The following PLD5 variants were observed in gnomAD, a reference collection of about 807,000 sequenced individuals.
PLD5 encodes the protein inactive phospholipase D5.
Under a neutral mutation model 61.1 loss-of-function variants are expected in PLD5, and 36 were observed. The ratio of observed to expected loss-of-function variants is 0.59; its 90% confidence interval spans 0.45 to 0.78. The LOEUF is 0.78. Among genes scored for constraint, PLD5 ranks in the 30% least tolerant of loss-of-function variants. PLD5 has a pLI of 0.00. For synonymous variants in PLD5, 243 were observed against 242.8 expected (o/e 1.00, Z -0.01); for missense variants, 515 against 644.4 (o/e 0.80, Z 2.17).
At chr1:242,228,000 T>C (rs1671062870) in intron 4 of PLD5, among the ~76,000 whole-genome samples, 1 of 152,200 alleles carries the variant, frequency 6.6e-6, no homozygotes, top group Non-Finnish European at 1.5e-5. Flanking sequence ...CTTATTGTTA[T>C]CTCTAGGTTA....
chr1:242,188,474 T>G (rs1254783529), intron 5 of PLD5, among the ~76,000 whole-genome samples: 1 of 152,046 alleles, frequency 6.6e-6, no homozygotes, highest in Non-Finnish European at 1.5e-5. Flanking sequence ...AGATTTGAAG[T>G]GGAGGCACTG....
At chr1:242,484,053 C>T (rs1016411960) in intron 1 of PLD5, among the ~76,000 whole-genome samples, 2 of 152,126 alleles carry the variant, frequency 1.3e-5, no homozygotes, top group Non-Finnish European at 2.9e-5. Context: ...GGGACACATT[C>T]AAAGCCATGT....
chr1:242,186,989 A>G (rs1185486301), intron 5 of PLD5, among the ~76,000 whole-genome samples: 1 of 152,218 alleles, frequency 6.6e-6, no homozygotes, highest in African/African-American at 2.4e-5. Context: ...AAAGTAATAC[A>G]TGCATATTAT....
At chr1:242,228,787 G>A (rs1205220200) in intron 4 of PLD5, among the ~76,000 whole-genome samples, 2 of 152,022 alleles carry the variant, frequency 1.3e-5, no homozygotes, top group South Asian at 2.1e-4. Context: ...CACTGTCCTC[G>A]TCCTCGCAAC....
intron 1 of PLD5, among the ~76,000 whole-genome samples, chr1:242,396,299 G>A (rs1663569404): frequency 6.6e-6 from 1 of 152,112 alleles, no homozygotes; most frequent in African/African-American, 2.4e-5. Context: ...AATAACTAGA[G>A]AGCCAACTAT....
intron 4 of PLD5, among the ~76,000 whole-genome samples, chr1:242,262,672 G>C (rs1182029070): frequency 1.3e-5 from 2 of 152,152 alleles, no homozygotes; most frequent in Non-Finnish European, 2.9e-5. Flanking sequence ...AGAGTCTATA[G>C]ACCATGGCTC....
intron 5 of PLD5, among the ~76,000 whole-genome samples, chr1:242,126,616 A>T (rs1662806037): frequency 6.6e-6 from 1 of 152,192 alleles, no homozygotes; most frequent in Non-Finnish European, 1.5e-5. Context: ...ACTGTAGGAG[A>T]ATGAAACTGG....
intron 1 of PLD5, among the ~76,000 whole-genome samples, chr1:242,512,086 A>G (rs1310742149): frequency 6.6e-6 from 1 of 152,092 alleles, no homozygotes; most frequent in Non-Finnish European, 1.5e-5. Flanking sequence ...GAAGATTCTT[A>G]ATAATCAAGG....
At chr1:242,225,464 T>C (rs1201525892) in intron 4 of PLD5, among the ~76,000 whole-genome samples, 2 of 151,520 alleles carry the variant, frequency 1.3e-5, no homozygotes, top group South Asian at 4.2e-4. Context: ...TTTCATGGTA[T>C]GGAATGCACC....
At chr1:242,134,921 T>A (rs1663589015) in intron 5 of PLD5, among the ~76,000 whole-genome samples, 1 of 152,226 alleles carries the variant, frequency 6.6e-6, no homozygotes, top group African/African-American at 2.4e-5. Context: ...GGACGACCAC[T>A]GGGCTAGCCT....
chr1:242,140,919 T>A (rs138759585), intron 5 of PLD5, among the ~76,000 whole-genome samples: 8 of 152,294 alleles, frequency 5.3e-5, no homozygotes, highest in African/African-American at 1.9e-4. Flanking sequence ...CATCTTTTCC[T>A]GTCATCTTCT....
chr1:242,430,019 C>T (rs975800514), intron 1 of PLD5, among the ~76,000 whole-genome samples: 13 of 152,182 alleles, frequency 8.5e-5, no homozygotes, highest in Non-Finnish European at 1.5e-4. Context: ...TCAGGCCAAG[C>T]TGCATAGACA....
chr1:242,152,156 C>G (rs1016130903), intron 5 of PLD5, among the ~76,000 whole-genome samples: 4 of 151,918 alleles, frequency 2.6e-5, no homozygotes, highest in African/African-American at 9.7e-5. Flanking sequence ...GGGGATAATC[C>G]GTTTTCTTGC....
intron 1 of PLD5, among the ~76,000 whole-genome samples, chr1:242,465,758 C>T (rs1409050099): frequency 6.6e-6 from 1 of 152,132 alleles, no homozygotes; most frequent in African/African-American, 2.4e-5. Flanking sequence ...GAAACCCCAT[C>T]TCTACTAAAA....
At chr1:242,091,310 C>T (rs1315239187) in intron 9 of PLD5, among the ~76,000 whole-genome samples, 2 of 152,082 alleles carry the variant, frequency 1.3e-5, no homozygotes, top group African/African-American at 4.8e-5. Flanking sequence ...TGGGATCTGC[C>T]CTAGAAGAGA....
chr1:242,457,159 A>G (rs771572184), intron 1 of PLD5, among the ~76,000 whole-genome samples: 8 of 152,152 alleles, frequency 5.3e-5, no homozygotes, highest in Non-Finnish European at 1.0e-4. Context: ...GAAACAGACA[A>G]TGGTCCAGCC....
intron 1 of PLD5, chr1:242,377,067 T>A (rs1662005180): frequency 1.2e-6 from 2 of 1,611,664 alleles, no homozygotes; most frequent in Non-Finnish European, 1.7e-6. Flanking sequence ...AGGGGAGTCA[T>A]CCTCGTGGCT....
intron 7 of PLD5, among the ~76,000 whole-genome samples, chr1:242,112,799 T>C (rs1393421592): frequency 6.6e-6 from 1 of 152,188 alleles, no homozygotes; most frequent in Non-Finnish European, 1.5e-5. Flanking sequence ...CTCCCCAAAA[T>C]ATGCACTTTG....
intron 4 of PLD5, among the ~76,000 whole-genome samples, chr1:242,228,689 G>C (rs189194445): frequency 4.0e-4 from 61 of 151,884 alleles, no homozygotes; most frequent in Middle Eastern, 3.4e-3. Context: ...AGGAAGGTAG[G>C]GAGGGAGGGA....
Sources: allele counts gnomAD v4.1 joint callset (sites outside exome capture counted in the v4.1 genomes callset), GRCh38; gene constraint gnomAD v4.1.1; transcripts MANE v1.5; gene names NCBI Gene and HGNC (gene_info 2026-07-23, HGNC 2026-07-21).